Variants in CCDC47 observed in about 807,000 individuals in gnomAD.
The protein encoded by CCDC47 is coiled-coil domain containing 47, also known as PAT complex subunit CCDC47.
A neutral mutation model predicts 60.5 loss-of-function variants in CCDC47; 41 were observed. That is an observed-to-expected ratio of 0.68 (90% confidence interval 0.53 to 0.88). The LOEUF (loss-of-function observed/expected upper bound fraction) is 0.88. Among genes scored for constraint, CCDC47 ranks in the 40% least tolerant of loss-of-function variants. The pLI is 0.00. For missense variants in CCDC47, 513 were observed against 580.9 expected (o/e 0.88, Z 1.20); for synonymous variants, 195 against 190.7 (o/e 1.02, Z -0.18).
chr17:63,772,766 G>A (rs2039358262), intron 1 of CCDC47: 1 of 152,174 alleles, frequency 6.6e-6, no homozygotes, highest in Admixed American at 6.6e-5. Flanking sequence ...AATCATCCAA[G>A]CCATTTTTAC....
chr17:63,772,973 T>G (rs1249613384), intron 1 of CCDC47: 1 of 152,244 alleles, frequency 6.6e-6, no homozygotes, highest in Non-Finnish European at 1.5e-5. Flanking sequence ...GAGTCTAGAC[T>G]TGAGGAAAGA....
intron 1 of CCDC47, among the ~76,000 whole-genome samples, chr17:63,769,848 C>T (rs183051174): frequency 4.8e-4 from 73 of 152,206 alleles, no homozygotes; most frequent in Non-Finnish European, 7.4e-4. Flanking sequence ...GGGTCACATG[C>T]GGCCTGCAGG....
At position 63,751,946 on chromosome 17, in the gene CCDC47, C is replaced by A. The variant is rs1474599135; in HGVS notation, c.1365G>T (p.Arg455Ser). The A allele has an allele frequency of 1.2e-6, 2 of 1,613,662 alleles. No homozygotes were observed. Among genetic ancestry groups the A allele is most frequent in the Non-Finnish European group, 1.7e-6 (2 of 1,180,030 alleles). Reference protein sequence around the residue: ...MNEEDPEKQRRLEEAALRREQ... With the variant: ...MNEEDPEKQRSLEEAALRREQ... Reference sequence around the variant, plus strand: ...AGTGATAAGTTTGTCTAACCTCCAGCCTGCGCTGTTTCTCAGGATCTTCCT... The same window carrying A: ...AGTGATAAGTTTGTCTAACCTCCAGACTGCGCTGTTTCTCAGGATCTTCCT... The change falls in exon 12 of 13, where the codon AGG becomes AGT. Residue 455 changes from arginine (R) to serine (S), a missense_variant. Coordinates refer to ENST00000225726, the MANE Select transcript of CCDC47 (RefSeq NM_020198.3).
chr17:63,769,843 A>C (rs957419406), intron 1 of CCDC47, among the ~76,000 whole-genome samples: 1 of 152,198 alleles, frequency 6.6e-6, no homozygotes, highest in African/African-American at 2.4e-5. Flanking sequence ...GTCCTGGGTC[A>C]CATGCGGCCT....
At chr17:63,756,596 A>G (rs1568248056) in intron 6 of CCDC47, 26 bp from the exon 7 acceptor site, 3 of 1,522,630 alleles carry the variant, frequency 2.0e-6, no homozygotes, top group East Asian at 4.5e-5. Flanking sequence ...AAAAAACAAC[A>G]AAATTCACCT....
intron 6 of CCDC47, among the ~76,000 whole-genome samples, chr17:63,760,571 G>T (rs964239848): frequency 6.6e-6 from 1 of 152,194 alleles, no homozygotes; most frequent in Non-Finnish European, 1.5e-5. Context: ...AAGCGTGATG[G>T]CTCACGTCTA....
At position 63,761,353 on chromosome 17, in the gene CCDC47, T is replaced by C. The variant is rs2039258643; in HGVS notation, c.548-2A>G. 6.2e-7 allele frequency: 1 copy of C among 1,613,670 alleles called. No homozygotes were observed. The highest frequency in any genetic ancestry group is 8.5e-7 in the Non-Finnish European group (1 of 1,179,924). On this transcript the variant is annotated splice_acceptor_variant, in intron 4 of 12. Coordinates refer to ENST00000225726, the MANE Select transcript of CCDC47 (RefSeq NM_020198.3). LOFTEE classifies it high-confidence loss of function. The stretch of plus-strand genomic sequence containing the variant: ...CTTCTTTGTTAGTTCCATCATCCCC[T>C]AGGGGTAAAACCACTTAATGTGACT...
intron 4 of CCDC47, 94 bp from the exon 5 acceptor site, chr17:63,761,445 G>A: frequency 7.2e-7 from 1 of 1,390,112 alleles, no homozygotes; most frequent in Non-Finnish European, 1.0e-6. Context: ...ACTTTGGGAG[G>A]CTGAGGTGGG....
intron 9 of CCDC47, 101 bp downstream of exon 9, chr17:63,754,332 T>G (rs1051761146): frequency 2.8e-6 from 2 of 724,204 alleles, no homozygotes; most frequent in African/African-American, 1.8e-5. Flanking sequence ...CCAACTTCCT[T>G]CACACATTTG....
At chr17:63,756,897 G>A (rs974089194) in intron 6 of CCDC47, among the ~76,000 whole-genome samples, 6 of 152,134 alleles carry the variant, frequency 3.9e-5, no homozygotes, top group African/African-American at 1.4e-4. Context: ...TGGCGGTAGG[G>A]CACATATGGT....
At position 63,765,704 on chromosome 17, in the gene CCDC47, C is replaced by T; in HGVS notation, c.264+208G>A. On this transcript the variant is annotated intron_variant, in intron 2 of 12. Coordinates refer to ENST00000225726, the MANE Select transcript of CCDC47 (RefSeq NM_020198.3). ...CAGTATCTATTCTCTAACCCCTCTT[C>T]CAGTCAGGGTTTCAATAGAAGAACA... The T allele has an allele frequency of 8.0e-6, 11 of 1,381,000 alleles. No homozygotes were observed. The South Asian group carries it at 1.8e-4, about 22-fold the overall frequency. The allele number at this position is 1,381,000 out of a possible 1,614,324, so 85.5% of individuals were successfully genotyped here.
chr17:63,752,905 C>T (rs1283001208), intron 9 of CCDC47, 106 bp from the exon 10 acceptor site: 27 of 1,458,686 alleles, frequency 1.9e-5, no homozygotes, highest in Non-Finnish European at 2.4e-5. Context: ...ACATAATCAG[C>T]ACAGTATTTG....
Position 63,764,104 on chromosome 17 carries a change from G to T in CCDC47, c.459C>A (p.Tyr153Ter). 1 of 1,612,826 alleles carries T rather than the reference G, an allele frequency of 6.2e-7. No individual in the cohort carries two copies. Among genetic ancestry groups the T allele is most frequent in the Non-Finnish European group, 8.5e-7 (1 of 1,179,706 alleles). Residue 153 changes from tyrosine to a stop codon, truncating the protein, a stop_gained, in exon 4 of 13, where the codon TAC (tyrosine) becomes TAA (stop). Transcript: ENST00000225726. LOFTEE classifies it high-confidence loss of function. ...VTGLLAYIMN[Y>*]IIGKNKNSRL... ...GACTGTTTTTATTCTTCCCAATGAT[G>T]TAATTCATGATATAAGCAAGCAGAC...
intron 12 of CCDC47, among the ~76,000 whole-genome samples, chr17:63,748,462 T>A (rs2039137124): frequency 6.6e-6 from 1 of 152,012 alleles, no homozygotes; most frequent in Admixed American, 6.6e-5. Flanking sequence ...TTCGCTCTTG[T>A]TCCCCAGGCT....
At chr17:63,771,127 AT>A (rs1238990179) in intron 1 of CCDC47, among the ~76,000 whole-genome samples, 2 of 152,122 alleles carry the variant, frequency 1.3e-5, no homozygotes, top group African/African-American at 4.8e-5. Context: ...GAGAAATGCC[AT>A]AAAGGATAGG....
At chr17:63,755,599 T>C (rs1449554836) in intron 8 of CCDC47, among the ~76,000 whole-genome samples, 1 of 152,162 alleles carries the variant, frequency 6.6e-6, no homozygotes, top group African/African-American at 2.4e-5. Flanking sequence ...TAAAATAATT[T>C]CAGGGGATCC....
chr17:63,764,081 C>A lies in CCDC47; in HGVS notation c.482G>T (p.Ser161Ile). ...GTTAAACCAGGCCTGTGCAAGGCGA[C>A]TGTTTTTATTCTTCCCAATGATGTA... ...MNYIIGKNKN[S>I]RLAQAWFNTH... Residue 161 changes from serine (S) to isoleucine (I), a missense_variant, in exon 4 of 13, where the codon AGT (serine) becomes ATT (isoleucine). By Grantham distance (142) the Ser-to-Ile change is moderately radical (BLOSUM62 -2). Coordinates refer to ENST00000225726, the MANE Select transcript of CCDC47 (RefSeq NM_020198.3). The A allele has an allele frequency of 6.2e-7, 1 of 1,613,442 alleles. No individual in the cohort carries two copies. Among genetic ancestry groups the A allele is most frequent in the Middle Eastern group, 1.7e-4 (1 of 6,060 alleles).
chr17:63,761,466 G>A, intron 4 of CCDC47, 115 bp from the exon 5 acceptor site: 1 of 1,061,602 alleles, frequency 9.4e-7, no homozygotes, highest in Non-Finnish European at 1.4e-6. Flanking sequence ...TGGATCACGA[G>A]GTCAGGAGTT....
chr17:63,755,923 C>CAAAAAAAAAAAAAA (rs59036340), intron 8 of CCDC47, among the ~76,000 whole-genome samples: 2 of 98,548 alleles, frequency 2.0e-5, no homozygotes, highest in Non-Finnish European at 4.6e-5. Flanking sequence ...AACTGGAGCT[C>CAAAAAAAAAAAAAA]AAAAAAAAAA....
Sources: gnomAD v4.1 joint callset for allele counts (sites outside exome capture counted in the v4.1 genomes callset) on GRCh38, gnomAD v4.1.1 for gene constraint, MANE v1.5 for transcripts, NCBI Gene and HGNC (gene_info 2026-07-23, HGNC 2026-07-21) for gene names.